The following CCSER1 variants were observed in gnomAD, a reference collection of about 807,000 sequenced individuals.
CCSER1 encodes the protein serine-rich coiled-coil domain-containing protein 1.
A neutral mutation model predicts 82.0 loss-of-function variants in CCSER1; 41 were observed. The observed-to-expected ratio is 0.50, with a 90% CI of 0.39 to 0.65. CCSER1 has a LOEUF of 0.65. Among genes scored for constraint, CCSER1 ranks in the 30% least tolerant of loss-of-function variants. The pLI is 0.00. For synonymous variants in CCSER1, 414 were observed against 383.9 expected, an observed-to-expected ratio of 1.08 and a Z score of -0.92; for missense variants, 1,119 against 1,064.2, an observed-to-expected ratio of 1.05 and a Z score of -0.72.
At chr4:90,672,145 T>A (rs1387896605) in intron 6 of CCSER1, among the ~76,000 whole-genome samples, 1 of 152,020 alleles carries the variant, frequency 6.6e-6, no homozygotes, top group Non-Finnish European at 1.5e-5. Context: ...TAAATGAGCA[T>A]TGGCTTCAAC....
chr4:90,434,040 AC>A (rs1217267739), intron 4 of CCSER1, among the ~76,000 whole-genome samples: 7 of 151,940 alleles, frequency 4.6e-5, no homozygotes, highest in Non-Finnish European at 8.8e-5. Context: ...CGAAGTTACA[AC>A]TTTTTCCCCA....
intron 1 of CCSER1, among the ~76,000 whole-genome samples, chr4:90,226,288 G>T (rs1233328835): frequency 3.3e-5 from 5 of 152,162 alleles, no homozygotes; most frequent in Non-Finnish European, 7.3e-5. Flanking sequence ...ATTAAATTTG[G>T]GAGTGTTTTG....
chr4:91,037,006 AG>A (rs890436407), intron 9 of CCSER1, among the ~76,000 whole-genome samples: 2 of 151,982 alleles, frequency 1.3e-5, no homozygotes, highest in Admixed American at 1.3e-4. Flanking sequence ...GAACCCGGGA[AG>A]GGGAGTTTGC....
intron 10 of CCSER1, among the ~76,000 whole-genome samples, chr4:91,499,713 T>G (rs1467530794): frequency 2.0e-5 from 3 of 152,018 alleles, no homozygotes; most frequent in Non-Finnish European, 2.9e-5. Context: ...TGTCATATAA[T>G]TGAAATAATA....
At chr4:90,674,747 C>G (rs959283927) in intron 6 of CCSER1, among the ~76,000 whole-genome samples, 5 of 151,786 alleles carry the variant, frequency 3.3e-5, no homozygotes, top group African/African-American at 1.2e-4. Flanking sequence ...TTTCAGGCTT[C>G]TCTCCTTTTT....
chr4:90,459,889 A>G (rs1307112366), intron 4 of CCSER1, among the ~76,000 whole-genome samples: 2 of 152,174 alleles, frequency 1.3e-5, no homozygotes, highest in African/African-American at 4.8e-5. Flanking sequence ...CAAACATACT[A>G]AAGTGTTTTG....
chr4:90,333,770 G>T (rs1245159649), intron 3 of CCSER1, among the ~76,000 whole-genome samples: 1 of 152,164 alleles, frequency 6.6e-6, no homozygotes, highest in African/African-American at 2.4e-5. Flanking sequence ...TTGGTTCAAA[G>T]AGCATTTGAT....
chr4:90,939,582 T>C (rs1276406014), intron 9 of CCSER1, among the ~76,000 whole-genome samples: 1 of 152,114 alleles, frequency 6.6e-6, no homozygotes. Flanking sequence ...TTCAGGGCAA[T>C]AGAAATGCCA....
intron 3 of CCSER1, among the ~76,000 whole-genome samples, chr4:90,332,611 G>A (rs1026230891): frequency 3.3e-5 from 5 of 152,112 alleles, no homozygotes; most frequent in African/African-American, 1.2e-4. Flanking sequence ...AGGACCTTTA[G>A]ATAGATTTAC....
At chr4:90,194,702 A>G (rs1290470813) in intron 1 of CCSER1, among the ~76,000 whole-genome samples, 1 of 152,038 alleles carries the variant, frequency 6.6e-6, no homozygotes, top group African/African-American at 2.4e-5. Context: ...GGATAGCTGG[A>G]AGGCCCAAGT....
At chr4:91,361,718 G>A (rs995506791) in intron 10 of CCSER1, among the ~76,000 whole-genome samples, 5 of 151,772 alleles carry the variant, frequency 3.3e-5, no homozygotes, top group Non-Finnish European at 7.4e-5. Context: ...TTGAAGACAT[G>A]TCTTTGAGAT....
intron 10 of CCSER1, among the ~76,000 whole-genome samples, chr4:91,218,774 A>G (rs1219847878): frequency 1.3e-5 from 2 of 152,164 alleles, no homozygotes; most frequent in Admixed American, 6.5e-5. Flanking sequence ...TGCCTTGCTT[A>G]TATTACCATA....
intron 10 of CCSER1, among the ~76,000 whole-genome samples, chr4:91,397,323 A>T (rs1239596796): frequency 6.6e-6 from 1 of 151,998 alleles, no homozygotes; most frequent in Non-Finnish European, 1.5e-5. Flanking sequence ...CATTTTGTAT[A>T]AGGATACATT....
intron 5 of CCSER1, among the ~76,000 whole-genome samples, chr4:90,469,522 AAAAC>A (rs984657383): frequency 1.8e-5 from 2 of 112,236 alleles, no homozygotes; most frequent in African/African-American, 9.8e-5. Context: ...GTTTTCCTGC[AAAAC>A]ACACACACAC....
intron 10 of CCSER1, among the ~76,000 whole-genome samples, chr4:91,471,877 G>A (rs1244487848): frequency 1.3e-5 from 2 of 149,708 alleles, no homozygotes; most frequent in Non-Finnish European, 3.0e-5. Flanking sequence ...GACTGAGGCA[G>A]GAGAATGGCG....
chr4:91,432,698 T>C (rs1425184836), intron 10 of CCSER1, among the ~76,000 whole-genome samples: 2 of 152,230 alleles, frequency 1.3e-5, no homozygotes, highest in Non-Finnish European at 2.9e-5. Context: ...ATGTGAACTT[T>C]TCTTTTTTAC....
chr4:91,337,878 A>C (rs988011996), intron 10 of CCSER1, among the ~76,000 whole-genome samples: 1 of 152,076 alleles, frequency 6.6e-6, no homozygotes, highest in African/African-American at 2.4e-5. Context: ...TATCACGTTT[A>C]AGTTTTGTTA....
At chr4:90,813,066 C>A (rs1052383813) in intron 7 of CCSER1, among the ~76,000 whole-genome samples, 4 of 152,226 alleles carry the variant, frequency 2.6e-5, no homozygotes, top group African/African-American at 7.2e-5. Context: ...AAGTCTAACT[C>A]ATTACAGCAT....
chr4:90,508,335 G>A (rs534579099), intron 5 of CCSER1, among the ~76,000 whole-genome samples: 20 of 151,780 alleles, frequency 1.3e-4, no homozygotes, highest in Admixed American at 5.9e-4. Context: ...TCAACAATCT[G>A]GTTTATTAAA....
Sources: allele counts gnomAD v4.1 joint callset (sites outside exome capture counted in the v4.1 genomes callset), GRCh38; gene constraint gnomAD v4.1.1; transcripts MANE v1.5; gene names NCBI Gene and HGNC (gene_info 2026-07-23, HGNC 2026-07-21).